C1QTNF1: variants seen among roughly 807,000 people sequenced by gnomAD.
C1QTNF1 encodes complement C1q tumor necrosis factor-related protein 1.
In C1QTNF1, 22 loss-of-function variants were observed where a neutral mutation model predicts 27.8. The observed-to-expected ratio is 0.79, with a 90% CI of 0.56 to 1.13. The LOEUF is 1.13. Among genes scored for constraint, C1QTNF1 ranks in the 50% most tolerant of loss-of-function variants. The pLI is 0.00. For synonymous variants in C1QTNF1, 166 were observed against 154.3 expected (o/e 1.08, Z -0.56); for missense variants, 373 against 380.2 (o/e 0.98, Z 0.16).
intron 1 of C1QTNF1, among the ~76,000 whole-genome samples, chr17:79,037,847 T>G (rs1289274881): frequency 6.6e-6 from 1 of 151,962 alleles, no homozygotes; most frequent in Non-Finnish European, 1.5e-5. Flanking sequence ...AATTTTTGTG[T>G]TTTTGGTAGA....
At chr17:79,047,261 C>A (rs905435954) in intron 3 of C1QTNF1, 12 of 341,186 alleles carry the variant, frequency 3.5e-5, no homozygotes, top group African/African-American at 2.6e-4. Context: ...TTTACCAGGG[C>A]TTTCCAGAAG....
chr17:79,044,498 C>T (rs1450721958), intron 2 of C1QTNF1, among the ~76,000 whole-genome samples: 1 of 152,168 alleles, frequency 6.6e-6, no homozygotes, highest in Admixed American at 6.5e-5. Flanking sequence ...CACTTGGAGG[C>T]AGGGAGAAGT....
intron 1 of C1QTNF1, among the ~76,000 whole-genome samples, chr17:79,032,167 C>T (rs1016915304): frequency 5.3e-5 from 8 of 152,262 alleles, no homozygotes; most frequent in African/African-American, 1.4e-4. Context: ...TAGACCGGTT[C>T]GTCCGGATGC....
chr17:79,045,359 C>T (rs924541582), intron 2 of C1QTNF1, among the ~76,000 whole-genome samples: 5 of 152,054 alleles, frequency 3.3e-5, no homozygotes, highest in Non-Finnish European at 5.9e-5. Context: ...TGGGGAGGGT[C>T]TCACCTGAAC....
chr17:79,043,437 T>C (rs1384311879), intron 1 of C1QTNF1: 2 of 453,924 alleles, frequency 4.4e-6, no homozygotes, highest in African/African-American at 2.0e-5. Context: ...TGTGTGCATG[T>C]GAGCGTGTGG....
At chr17:79,042,197 C>G (rs1213246479) in intron 1 of C1QTNF1, among the ~76,000 whole-genome samples, 1 of 152,252 alleles carries the variant, frequency 6.6e-6, no homozygotes, top group African/African-American at 2.4e-5. Context: ...AGTCGCTGTG[C>G]CCCTCGGTGG....
chr17:79,044,235 C>A, intron 2 of C1QTNF1, 112 bp downstream of exon 2: 1 of 1,254,620 alleles, frequency 8.0e-7, no homozygotes, highest in Non-Finnish European at 1.1e-6. Context: ...GGCAAGAAAG[C>A]TGAAGCTGAG....
chr17:79,025,137 GC>G (rs939465131), intron 1 of C1QTNF1: 3 of 152,394 alleles, frequency 2.0e-5, no homozygotes, highest in Non-Finnish European at 2.9e-5. Flanking sequence ...GCTGGGAGTG[GC>G]CCCCCCGGCC....
At chr17:79,041,220 A>G (rs899231509) in intron 1 of C1QTNF1, among the ~76,000 whole-genome samples, 1 of 152,118 alleles carries the variant, frequency 6.6e-6, no homozygotes, top group Non-Finnish European at 1.5e-5. Context: ...GCCCTGACGC[A>G]TGGGAGGGAC....
intron 1 of C1QTNF1, among the ~76,000 whole-genome samples, chr17:79,042,364 G>A (rs550594115): frequency 1.3e-5 from 2 of 152,352 alleles, no homozygotes; most frequent in African/African-American, 2.4e-5. Context: ...CCCCACCTCC[G>A]TGAGCACCCC....
chr17:79,025,414 G>C (rs994440677), intron 1 of C1QTNF1, among the ~76,000 whole-genome samples: 1 of 152,180 alleles, frequency 6.6e-6, no homozygotes, highest in Non-Finnish European at 1.5e-5. Context: ...CCCTCTGTGA[G>C]GTGTTCCTGA....
chr17:79,023,167 C>T (rs2071821407), upstream of C1QTNF1: 1 of 151,926 alleles, frequency 6.6e-6, no homozygotes, highest in South Asian at 2.1e-4. Context: ...AGAGACAGAC[C>T]CTCACAGGAG....
chr17:79,027,597 C>G (rs1280984938), intron 1 of C1QTNF1: 3 of 152,432 alleles, frequency 2.0e-5, no homozygotes, highest in African/African-American at 7.2e-5. Context: ...CTCCTTTCCT[C>G]CTTCCCGAGC....
chr17:79,042,496 C>CT (rs1479652799), intron 1 of C1QTNF1, among the ~76,000 whole-genome samples: 1 of 152,194 alleles, frequency 6.6e-6, no homozygotes, highest in East Asian at 1.9e-4. Flanking sequence ...TGGGGCTGGG[C>CT]TTGGCACATC....
chr17:79,030,589 C>A (rs1039292393), intron 1 of C1QTNF1, among the ~76,000 whole-genome samples: 1 of 136,230 alleles, frequency 7.3e-6, no homozygotes, highest in African/African-American at 2.7e-5. Context: ...TCCTTCCTTT[C>A]TTTTTCTTTT....
intron 2 of C1QTNF1, among the ~76,000 whole-genome samples, chr17:79,045,643 G>A (rs758589996): frequency 6.6e-5 from 10 of 152,152 alleles, no homozygotes; most frequent in Non-Finnish European, 1.3e-4. Flanking sequence ...CTCCACCCTG[G>A]GCACCCGCTG....
Position 79,043,975 on chromosome 17 carries a change from T to C in C1QTNF1, c.7T>C (p.Ser3Pro), listed in dbSNP as rs1406500135. The C allele has an allele frequency of 6.2e-7, 1 of 1,614,092 alleles. No homozygotes were observed. Among genetic ancestry groups the C allele is most frequent in the Non-Finnish European group, 8.5e-7 (1 of 1,180,032 alleles). Residue 3 changes from serine to proline, a missense_variant, in exon 2 of 4, where the codon TCC becomes CCC. By Grantham distance (74) the Ser-to-Pro change is moderately conservative (BLOSUM62 -1). Transcript: ENST00000579760. Reference sequence around the variant, plus strand: ...ACCAGGGCCCGGCAGGAAGATGGGCTCCCGTGGACAGGGACTCTTGCTGGC... The same window carrying C: ...ACCAGGGCCCGGCAGGAAGATGGGCCCCCGTGGACAGGGACTCTTGCTGGC... Reference protein sequence around the residue: MGSRGQGLLLAYC... With the variant: MGPRGQGLLLAYC...
At chr17:79,023,869 G>A (rs1356089647), upstream of C1QTNF1, among the ~76,000 whole-genome samples, 1 of 152,188 alleles carries the variant, frequency 6.6e-6, no homozygotes, top group Non-Finnish European at 1.5e-5. Context: ...AGCGGATCCC[G>A]GAGGCCTTGG....
At chr17:79,026,080 C>T (rs547907723) in intron 1 of C1QTNF1, 106 of 175,212 alleles carry the variant, frequency 6.0e-4, no homozygotes, top group South Asian at 2.7e-3. Flanking sequence ...AAGAGGCTCA[C>T]GGCTTGCTTG....
Sources: gnomAD v4.1 joint callset for allele counts (sites outside exome capture counted in the v4.1 genomes callset) on GRCh38, gnomAD v4.1.1 for gene constraint, MANE v1.5 for transcripts, NCBI Gene and HGNC (gene_info 2026-07-23, HGNC 2026-07-21) for gene names.